CKLF: variants seen among roughly 807,000 people sequenced by gnomAD.
The protein encoded by CKLF is chemokine like factor, also known as chemokine-like factor.
Under a neutral mutation model 12.9 loss-of-function variants are expected in CKLF, and 16 were observed. The ratio of observed to expected loss-of-function variants is 1.24; its 90% CI spans 0.84 to 1.88. The LOEUF is 1.88. Among genes scored for constraint, CKLF ranks in the 40% most tolerant of loss-of-function variants. The probability of loss-of-function intolerance (pLI) is 0.00; values close to 1 mark genes in which losing one functional copy is unlikely to be tolerated. For synonymous variants in CKLF, 61 were observed against 69.0 expected (o/e 0.88, Z 0.57); for missense variants, 172 against 188.5 (o/e 0.91, Z 0.51).
At chr16:66,553,205 G>T (rs1300058942) in intron 1 of CKLF, among the ~76,000 whole-genome samples, 2 of 151,416 alleles carry the variant, frequency 1.3e-5, no homozygotes, top group Non-Finnish European at 2.9e-5. Flanking sequence ...TTAAAAATCA[G>T]ATCTACCCAA....
chr16:66,555,052 G>T (rs1473807784), intron 1 of CKLF, among the ~76,000 whole-genome samples: 2 of 152,084 alleles, frequency 1.3e-5, no homozygotes, highest in African/African-American at 4.8e-5. Context: ...TGACCAACAT[G>T]GTGAAACCCC....
chr16:66,561,445 C>A (rs1185025769), intron 2 of CKLF, among the ~76,000 whole-genome samples: 1 of 152,202 alleles, frequency 6.6e-6, no homozygotes. Context: ...CTAAATTACT[C>A]TTGAGGATCA....
rs554257798 is a variant in CKLF, at chr16:66,558,717, G to C, written c.237+369G>C. The stretch of plus-strand genomic sequence containing the variant: ...TTAATATGGCCTCAAAATTGGGATA[G>C]AGATGGAGACAGATACACAAGTATC... On this transcript the variant is annotated intron_variant, in intron 2 of 3. Transcript: ENST00000264001. Among the ~76,000 whole-genome samples the C allele has an allele frequency of 8.5e-5, 13 of 152,346 alleles. No individual in the cohort carries two copies. The South Asian group carries it at 2.5e-3, about 29-fold the overall frequency.
At chr16:66,555,033 C>G (rs2011371588) in intron 1 of CKLF, among the ~76,000 whole-genome samples, 1 of 152,110 alleles carries the variant, frequency 6.6e-6, no homozygotes, top group Non-Finnish European at 1.5e-5. Context: ...GTCAGGAGTT[C>G]CAGCAGCCTG....
Position 66,552,616 on chromosome 16 carries a change from G to A in CKLF, c.-100G>A. The A allele has an allele frequency of 6.3e-7, 1 of 1,579,662 alleles. No individual in the cohort carries two copies. Among genetic ancestry groups the A allele is most frequent in the Non-Finnish European group, 8.7e-7 (1 of 1,153,022 alleles). ...TGGGCGAGAAGTAGGGGAGGGCGGT[G>A]CTCCGCCGCGGTGGCGGTTGCTATC... On this transcript the variant is annotated 5_prime_UTR_variant, in exon 1 of 4. Coordinates refer to ENST00000264001, the MANE Select transcript of CKLF (RefSeq NM_016951.4).
chr16:66,553,212 C>T (rs2011261431), intron 1 of CKLF, among the ~76,000 whole-genome samples: 1 of 151,572 alleles, frequency 6.6e-6, no homozygotes, highest in Non-Finnish European at 1.5e-5. Flanking sequence ...TCAGATCTAC[C>T]CAAATGGTCT....
chr16:66,557,743 C>T (rs1018091636), intron 1 of CKLF, among the ~76,000 whole-genome samples: 1 of 152,120 alleles, frequency 6.6e-6, no homozygotes, highest in Non-Finnish European at 1.5e-5. Flanking sequence ...AGAAAAGGAG[C>T]TAGCAGAGGA....
Position 66,558,289 on chromosome 16 carries a change from A to G in CKLF, c.178A>G (p.Ile60Val), listed in dbSNP as rs1442714372. 1.2e-6 allele frequency: 2 copies of G among 1,613,796 alleles called. No individual in the cohort carries two copies. The highest frequency in any genetic ancestry group is 8.5e-7 in the Non-Finnish European group (1 of 1,179,960). The change falls in exon 2 of 4, where the codon ATA becomes GTA. Residue 60 changes from isoleucine (I) to valine (V), a missense_variant. Transcript: ENST00000264001. ...TGAAGTCACCGTTATCTTATTTTTC[A>G]TACTTTTATATGTACTCAGACTTGA... ...GFEVTVILFF[I>V]LLYVLRLDRL...
chr16:66,563,345 C>A, intron 3 of CKLF, 128 bp downstream of exon 3: 2 of 1,071,206 alleles, frequency 1.9e-6, no homozygotes, highest in South Asian at 1.7e-5. Context: ...ATATACAATG[C>A]CTAGTGGCTT....
At chr16:66,560,617 T>C (rs567815438) in intron 2 of CKLF, among the ~76,000 whole-genome samples, 1 of 152,248 alleles carries the variant, frequency 6.6e-6, no homozygotes, top group East Asian at 1.9e-4. Flanking sequence ...GAGCTCGGAC[T>C]GGCCACAATA....
At chr16:66,563,464 C>T (rs1445594078) in intron 3 of CKLF, among the ~76,000 whole-genome samples, 4 of 152,112 alleles carry the variant, frequency 2.6e-5, no homozygotes, top group East Asian at 1.9e-4. Flanking sequence ...CTTATAGGTA[C>T]GTAGGGCTAG....
chr16:66,564,180 T>G (rs1220760485), intron 3 of CKLF, among the ~76,000 whole-genome samples: 1 of 152,236 alleles, frequency 6.6e-6, no homozygotes, highest in African/African-American at 2.4e-5. Context: ...ATTCATTCAT[T>G]TACTCATTTC....
At chr16:66,553,173 A>AAAACAAAAAC (rs1392645223) in intron 1 of CKLF, among the ~76,000 whole-genome samples, 68 of 147,392 alleles carry the variant, frequency 4.6e-4, no homozygotes, top group African/African-American at 1.6e-3. Context: ...AAACAAAAAC[A>AAAACAAAAAC]AAAAAAAACC....
intron 3 of CKLF, among the ~76,000 whole-genome samples, chr16:66,564,605 G>A (rs1056216598): frequency 2.0e-5 from 3 of 151,838 alleles, no homozygotes; most frequent in African/African-American, 7.3e-5. Context: ...CAAGTAGCTG[G>A]GACTACAGGC....
intron 1 of CKLF, among the ~76,000 whole-genome samples, chr16:66,557,913 C>T (rs1209090597): frequency 6.6e-6 from 1 of 152,168 alleles, no homozygotes; most frequent in Admixed American, 6.5e-5. Flanking sequence ...AAGTCAATAT[C>T]ATACACTTTA....
intron 1 of CKLF, 41 bp downstream of exon 1, chr16:66,552,834 C>T (rs1339793559): frequency 1.4e-5 from 23 of 1,613,496 alleles, no homozygotes; most frequent in Non-Finnish European, 1.9e-5. Context: ...GATGAAGCTG[C>T]TGGGGGGCGG....
At chr16:66,563,448 A>G (rs1005226524) in intron 3 of CKLF, among the ~76,000 whole-genome samples, 33 of 152,200 alleles carry the variant, frequency 2.2e-4, no homozygotes, top group Admixed American at 2.0e-3. Flanking sequence ...GGGTTCCTAC[A>G]GATTTCTTAT....
At chr16:66,554,114 T>C (rs1233129018) in intron 1 of CKLF, among the ~76,000 whole-genome samples, 1 of 152,230 alleles carries the variant, frequency 6.6e-6, no homozygotes, top group Non-Finnish European at 1.5e-5. Flanking sequence ...GTTTTTGATA[T>C]ATTAATTCTC....
rs112815434 is a variant in CKLF at position 66,558,273 on chromosome 16, C to T, written c.162C>T (p.Thr54=). 2.1e-4 allele frequency: 338 copies of T among 1,613,742 alleles called. No homozygotes were observed. The highest frequency in any genetic ancestry group is 2.6e-4 in the Non-Finnish European group (312 of 1,179,982). The change falls in exon 2 of 4, where the codon ACC becomes ACT. Residue 54 remains threonine (T), a synonymous_variant. Transcript: ENST00000264001. ...TTGTTATCACTGGATTTGAAGTCAC[C>T]GTTATCTTATTTTTCATACTTTTAT... is the stretch of plus-strand genomic sequence containing the variant. ...PYIVITGFEV[T]VILFFILLYV...
Sources: gnomAD v4.1 joint callset for allele counts (sites outside exome capture counted in the v4.1 genomes callset) on GRCh38, gnomAD v4.1.1 for gene constraint, MANE v1.5 for transcripts, NCBI Gene and HGNC (gene_info 2026-07-23, HGNC 2026-07-21) for gene names.